The following CAST variants were observed in gnomAD, a reference collection of about 807,000 sequenced individuals.
CAST encodes the protein calpastatin.
CAST carries 76 observed loss-of-function variants against 119.6 expected under a neutral mutation model. That is an observed-to-expected ratio of 0.64 (90% CI 0.53 to 0.77). CAST has a LOEUF of 0.77. Among genes scored for constraint, CAST ranks in the 30% least tolerant of loss-of-function variants. CAST has a pLI of 0.00. For synonymous variants in CAST, 319 were observed against 331.6 expected, an observed-to-expected ratio of 0.96 and a Z score of 0.41; for missense variants, 953 against 946.5, an observed-to-expected ratio of 1.01 and a Z score of -0.09.
At chr5:96,346,516 G>C in the CAST span, among the ~76,000 whole-genome samples, 1 of 152,156 alleles carries the variant, frequency 6.6e-6, no homozygotes, top group African/African-American at 2.4e-5. Flanking sequence ...GGAATGAAGT[G>C]AACAGACTCT....
chr5:96,705,645 T>A (rs931185624), intron 3 of CAST, among the ~76,000 whole-genome samples: 2 of 152,074 alleles, frequency 1.3e-5, no homozygotes, highest in African/African-American at 4.8e-5. Flanking sequence ...TAATCTGTAT[T>A]AGAACATAGT....
At chr5:95,995,221 C>T in the CAST span, among the ~76,000 whole-genome samples, 1 of 149,882 alleles carries the variant, frequency 6.7e-6, no homozygotes, top group African/African-American at 2.5e-5. Flanking sequence ...TTATAAGAGT[C>T]AAACTGACCC....
chr5:96,118,815 T>A, the CAST span, among the ~76,000 whole-genome samples: 1 of 151,596 alleles, frequency 6.6e-6, no homozygotes, highest in Non-Finnish European at 1.5e-5. Flanking sequence ...TGTTTCAGCA[T>A]ACTTTTTTTT....
the CAST span, among the ~76,000 whole-genome samples, chr5:96,042,405 T>C: frequency 6.6e-6 from 1 of 152,214 alleles, no homozygotes; most frequent in Admixed American, 6.6e-5. Flanking sequence ...GTGTTAAAGA[T>C]GATCAGAATA....
the CAST span, among the ~76,000 whole-genome samples, chr5:96,194,362 A>C: frequency 6.6e-6 from 1 of 152,196 alleles, no homozygotes; most frequent in East Asian, 1.9e-4. Flanking sequence ...GGGAATCTGC[A>C]TGTTCTTAAA....
At chr5:96,501,620 A>AT in the CAST span, among the ~76,000 whole-genome samples, 1 of 152,200 alleles carries the variant, frequency 6.6e-6, no homozygotes. Context: ...AATAAATCCC[A>AT]TTTTTTCTAA....
the CAST span, among the ~76,000 whole-genome samples, chr5:96,094,370 A>T: frequency 1.3e-5 from 2 of 152,104 alleles, no homozygotes; most frequent in East Asian, 3.8e-4. Flanking sequence ...GACTGATGAA[A>T]TTTAAGAAGA....
chr5:96,191,332 A>C, the CAST span, among the ~76,000 whole-genome samples: 1 of 152,352 alleles, frequency 6.6e-6, no homozygotes, highest in African/African-American at 2.4e-5. Context: ...GAGGTTACTT[A>C]TATGCCAGGC....
the CAST span, among the ~76,000 whole-genome samples, chr5:96,335,159 C>A: frequency 6.6e-6 from 1 of 152,176 alleles, no homozygotes; most frequent in African/African-American, 2.4e-5. Context: ...AAAAAGAAGT[C>A]TACCTTTGAC....
intron 1 of CAST, among the ~76,000 whole-genome samples, chr5:96,602,445 A>G (rs1393488585): frequency 6.6e-6 from 1 of 152,240 alleles, no homozygotes; most frequent in East Asian, 1.9e-4. Flanking sequence ...GATAAATATT[A>G]TAAAGGAACT....
chr5:96,561,800 T>TTTTGTTTTTTG (rs754529767), intron 1 of CAST, among the ~76,000 whole-genome samples: 1 of 98,920 alleles, frequency 1.0e-5, no homozygotes, highest in African/African-American at 3.7e-5. Context: ...TTTTTTGTTT[T>TTTTGTTTTTTG]TTTTTTTTTT....
chr5:96,771,345 C>G (rs1772238095), intron 30 of CAST, among the ~76,000 whole-genome samples: 1 of 152,094 alleles, frequency 6.6e-6, no homozygotes, highest in South Asian at 2.1e-4. Flanking sequence ...AGGATCACCA[C>G]AGAATGAAAC....
the CAST span, among the ~76,000 whole-genome samples, chr5:96,162,562 C>T: frequency 6.6e-6 from 1 of 152,076 alleles, no homozygotes; most frequent in Admixed American, 6.6e-5. Context: ...GGATTACAGG[C>T]GTGTGCCACC....
At chr5:96,082,373 C>T in the CAST span, among the ~76,000 whole-genome samples, 1 of 152,208 alleles carries the variant, frequency 6.6e-6, no homozygotes, top group Non-Finnish European at 1.5e-5. Context: ...GCATAATTAT[C>T]TCCATTTTGC....
the CAST span, among the ~76,000 whole-genome samples, chr5:96,090,692 G>T: frequency 6.6e-6 from 1 of 152,032 alleles, no homozygotes; most frequent in Non-Finnish European, 1.5e-5. Flanking sequence ...GAAGAAGAGG[G>T]TATTTTTAAA....
At chr5:96,310,670 A>G in the CAST span, among the ~76,000 whole-genome samples, 1 of 150,818 alleles carries the variant, frequency 6.6e-6, no homozygotes, top group Non-Finnish European at 1.5e-5. Context: ...TGGAGGTTGT[A>G]TGTGTCTAGG....
At chr5:96,543,125 A>G (rs1745943634) in intron 1 of CAST, among the ~76,000 whole-genome samples, 1 of 152,234 alleles carries the variant, frequency 6.6e-6, no homozygotes, top group Non-Finnish European at 1.5e-5. Flanking sequence ...AAACACTCGG[A>G]ACCAACCCAA....
the CAST span, among the ~76,000 whole-genome samples, chr5:96,510,672 T>A: frequency 6.6e-6 from 1 of 152,224 alleles, no homozygotes; most frequent in Admixed American, 6.5e-5. Context: ...TAATATGAAC[T>A]GTATATTAGA....
chr5:96,089,852 G>A, the CAST span, among the ~76,000 whole-genome samples: 6 of 152,136 alleles, frequency 3.9e-5, no homozygotes, highest in Non-Finnish European at 8.8e-5. Context: ...TAAATGATAA[G>A]TAAATAGAAG....
Sources: gnomAD v4.1 joint callset for allele counts (sites outside exome capture counted in the v4.1 genomes callset) on GRCh38, gnomAD v4.1.1 for gene constraint, MANE v1.5 for transcripts, NCBI Gene and HGNC (gene_info 2026-07-23, HGNC 2026-07-21) for gene names.